LTA4H: variants seen among roughly 807,000 people sequenced by gnomAD.
The protein encoded by LTA4H is leukotriene A-4 hydrolase.
Under a neutral mutation model 89.8 loss-of-function variants are expected in LTA4H, and 59 were observed. That is an observed-to-expected ratio of 0.66 (90% CI 0.53 to 0.82). The LOEUF is 0.82. Among genes scored for constraint, LTA4H ranks in the 40% least tolerant of loss-of-function variants. The probability of loss-of-function intolerance (pLI) is 0.00; values close to 1 mark genes in which losing one functional copy is unlikely to be tolerated. For missense variants in LTA4H, 617 were observed against 727.0 expected (o/e 0.85, Z 1.74); for synonymous variants, 227 against 253.1 (o/e 0.90, Z 0.98).
upstream of LTA4H, among the ~76,000 whole-genome samples, chr12:96,037,435 A>C (rs191072077): frequency 9.8e-4 from 149 of 152,348 alleles, no homozygotes; most frequent in Middle Eastern, 3.4e-3. Context: ...GAAAGAGCCA[A>C]CCAACAATGC....
At position 96,019,387 on chromosome 12, in the gene LTA4H, G is replaced by C. The variant is rs78948775; in HGVS notation, c.639-147C>G. 1.3e-3 allele frequency: 807 copies of C among 642,020 alleles called. 3 individuals are homozygous for C. In the African/African-American group the frequency reaches 0.013, roughly 10 times the overall value. 39.8% of individuals were successfully genotyped at this position (642,020 alleles called of 1,614,324 possible). ...TGGGAAAGGGATGAGGTTACATGGC[G>C]TGAGCTGCAAACCTGCTGTTGTATA... On this transcript the variant is annotated intron_variant, in intron 6 of 18. Transcript: ENST00000228740.
At chr12:96,014,405 T>C (rs1950347010) in intron 12 of LTA4H, 1 of 158,314 alleles carries the variant, frequency 6.3e-6, no homozygotes, top group African/African-American at 2.4e-5. Context: ...AGAGCCAATA[T>C]ATAGCATGAC....
At chr12:96,001,891 C>T (rs114675193) in intron 18 of LTA4H, among the ~76,000 whole-genome samples, 5,064 of 151,830 alleles carry the variant, frequency 0.033, 280 homozygotes, top group African/African-American at 0.11. Flanking sequence ...CACTGTCACC[C>T]GGGCTGGAGG....
At chr12:96,025,728 G>A (rs1252714423) in intron 3 of LTA4H, among the ~76,000 whole-genome samples, 1 of 151,776 alleles carries the variant, frequency 6.6e-6, no homozygotes, top group East Asian at 1.9e-4. Context: ...TCAGGAGGCT[G>A]AGGTAAAAGG....
Position 96,018,853 on chromosome 12 carries a change from C to T in LTA4H, c.762G>A (p.Trp254Ter). 6.2e-7 allele frequency: 1 copy of T among 1,603,840 alleles called. No homozygotes were observed. Among genetic ancestry groups the T allele is most frequent in the Non-Finnish European group, 8.5e-7 (1 of 1,177,018 alleles). ...GCAGGACCAATAGGTCATACTGTCC[C>T]CATACATACGGTCCTCCCAGATCTT... ...IAEDLGGPYV[W>*]GQYDLLVLPP... The change falls in exon 8 of 19, where the codon TGG becomes TGA. Residue 254 changes from tryptophan to a stop codon, truncating the protein, a stop_gained. Coordinates refer to ENST00000228740, the MANE Select transcript of LTA4H (RefSeq NM_000895.3). LOFTEE classifies it high-confidence loss of function.
At chr12:96,003,789 G>C (rs1439750929) in intron 17 of LTA4H, 49 bp downstream of exon 17, 2 of 1,273,750 alleles carry the variant, frequency 1.6e-6, no homozygotes, top group African/African-American at 1.5e-5. Context: ...TCTTTCAAAG[G>C]AGTTTAGTTT....
intron 14 of LTA4H, chr12:96,009,466 T>C (rs776921015): frequency 3.4e-6 from 1 of 298,188 alleles, no homozygotes; most frequent in Non-Finnish European, 6.3e-6. Context: ...GCATATTTAG[T>C]ACATGGCAGG....
At position 96,015,010 on chromosome 12, in the gene LTA4H, T is replaced by A. The variant is rs1302281891; in HGVS notation, c.1060-11A>T. 1 of 1,606,350 alleles carries A rather than the reference T, an allele frequency of 6.2e-7. No homozygotes were observed. The highest frequency in any genetic ancestry group is 1.7e-5 in the Admixed American group (1 of 58,196). On this transcript the variant is annotated splice_polypyrimidine_tract_variant and intron_variant, in intron 11 of 18. Coordinates refer to ENST00000228740, the MANE Select transcript of LTA4H (RefSeq NM_000895.3). ...CCCAAATGTCTTTACCTGCAAGACA[T>A]GAAATAACATGGAGAAACATATAGA...
At chr12:96,028,888 T>C (rs1170552250) in intron 2 of LTA4H, among the ~76,000 whole-genome samples, 167 bp downstream of exon 2, 1 of 152,218 alleles carries the variant, frequency 6.6e-6, no homozygotes, top group African/African-American at 2.4e-5. Flanking sequence ...GTATATATAA[T>C]TTTAACTGCT....
At chr12:96,010,055 T>A (rs1398509339) in intron 14 of LTA4H, 1 of 152,206 alleles carries the variant, frequency 6.6e-6, no homozygotes, top group Non-Finnish European at 1.5e-5. Flanking sequence ...GCATGCCATT[T>A]TGTCTTCAAG....
intron 1 of LTA4H, among the ~76,000 whole-genome samples, chr12:96,033,973 G>T (rs371127799): frequency 5.9e-5 from 9 of 152,168 alleles, no homozygotes; most frequent in Admixed American, 5.9e-4. Flanking sequence ...TGGTACTTTT[G>T]TTGATTACCT....
intron 4 of LTA4H, among the ~76,000 whole-genome samples, chr12:96,024,118 C>T (rs898390576): frequency 6.6e-6 from 1 of 151,704 alleles, no homozygotes. Flanking sequence ...TTTTTTAGTA[C>T]AGATGGGGTT....
At chr12:96,028,674 C>T (rs1357318467) in intron 2 of LTA4H, among the ~76,000 whole-genome samples, 1 of 152,058 alleles carries the variant, frequency 6.6e-6, no homozygotes, top group Admixed American at 6.6e-5. Context: ...TATCATTGTC[C>T]CATTAATAAA....
intron 4 of LTA4H, 132 bp downstream of exon 4, chr12:96,024,347 C>CAT: frequency 1.8e-6 from 1 of 545,630 alleles, no homozygotes; most frequent in Non-Finnish European, 3.2e-6. Flanking sequence ...TCTTTGTTTA[C>CAT]ATATTTCAGG....
intron 16 of LTA4H, among the ~76,000 whole-genome samples, chr12:96,004,317 CT>C (rs1410304224): frequency 1.3e-5 from 2 of 152,140 alleles, no homozygotes; most frequent in South Asian, 2.1e-4. Context: ...CTGATTCCCC[CT>C]AGCTTTATCT....
intron 11 of LTA4H, 119 bp from the exon 12 acceptor site, chr12:96,015,118 G>A: frequency 1.2e-6 from 1 of 826,604 alleles, no homozygotes; most frequent in Non-Finnish European, 1.9e-6. Context: ...TCTAAAACTT[G>A]GAGACTGGAA....
intron 1 of LTA4H, among the ~76,000 whole-genome samples, chr12:96,033,300 A>C (rs1403933367): frequency 3.3e-5 from 5 of 152,170 alleles, no homozygotes; most frequent in Non-Finnish European, 7.4e-5. Flanking sequence ...GGGCTTAGTC[A>C]AGGTTTTATT....
intron 7 of LTA4H, 106 bp downstream of exon 7, chr12:96,019,062 C>T: frequency 8.3e-7 from 1 of 1,203,264 alleles, no homozygotes; most frequent in Non-Finnish European, 1.2e-6. Context: ...ACATAAAAGA[C>T]AATCTGGTTC....
chr12:96,041,562 AAAAC>A (rs1346134143), intron 1 of LTA4H, among the ~76,000 whole-genome samples: 4 of 152,208 alleles, frequency 2.6e-5, no homozygotes, highest in Non-Finnish European at 4.4e-5. Flanking sequence ...AATTAAAAAA[AAAAC>A]AAAAAAAGAA....
Sources: allele counts gnomAD v4.1 joint callset (sites outside exome capture counted in the v4.1 genomes callset), GRCh38; gene constraint gnomAD v4.1.1; transcripts MANE v1.5; gene names NCBI Gene and HGNC (gene_info 2026-07-23, HGNC 2026-07-21).